The following LYSMD4 variants were observed in gnomAD, a reference collection of about 807,000 sequenced individuals.
The protein encoded by LYSMD4 is lysM and putative peptidoglycan-binding domain-containing protein 4.
Under a neutral mutation model 6.1 loss-of-function variants are expected in LYSMD4, and 9 were observed. The observed-to-expected ratio is 1.47, with a 90% CI of 0.88 to 2.56. The LOEUF is 2.56. LYSMD4 is among the 30% of genes most tolerant of loss of function. LYSMD4 has a pLI of 0.00. For missense variants in LYSMD4, 384 were observed against 373.5 expected, an observed-to-expected ratio of 1.03 and a Z score of -0.23; for synonymous variants, 143 against 148.5, an observed-to-expected ratio of 0.96 and a Z score of 0.27.
At chr15:99,717,013 T>C (rs1178911835) in exon 1 of LYSMD4, 1 of 217,668 alleles carries the variant, frequency 4.6e-6, no homozygotes, top group East Asian at 1.2e-4. Context: ...TACGTCCCAG[T>C]ATGCTGGCAG....
chr15:99,717,818 C>T (rs561320806), exon 1 of LYSMD4: 7 of 152,342 alleles, frequency 4.6e-5, no homozygotes, highest in Admixed American at 1.3e-4. Context: ...CCAAAGCAAA[C>T]GCAGCTGTGG....
chr15:99,730,121 C>T (rs1049339911), intron 2 of LYSMD4, among the ~76,000 whole-genome samples: 2 of 152,174 alleles, frequency 1.3e-5, no homozygotes, highest in African/African-American at 4.8e-5. Context: ...AATAGTGCCC[C>T]CATCTGCCTG....
At chr15:99,725,908 C>A (rs890409877), downstream of LYSMD4, among the ~76,000 whole-genome samples, 4 of 152,160 alleles carry the variant, frequency 2.6e-5, no homozygotes, top group Non-Finnish European at 5.9e-5. Context: ...TGGTCGTAAG[C>A]AGCTTGCTTT....
chr15:99,717,677 G>T (rs1354838635), exon 1 of LYSMD4: 3 of 152,188 alleles, frequency 2.0e-5, no homozygotes, highest in Non-Finnish European at 4.4e-5. Flanking sequence ...TAAAGCTTTG[G>T]TGCTCCTCAT....
chr15:99,732,958 G>A (rs1446166410), intron 1 of LYSMD4: 2 of 174,604 alleles, frequency 1.1e-5, no homozygotes, highest in South Asian at 2.0e-4. Context: ...GCCCGGGGAC[G>A]GGGCCAGCCT....
chr15:99,727,625 A>C lies in LYSMD4; in HGVS notation c.*1498T>G, dbSNP rs1328397902. 1.3e-5 allele frequency: 2 copies of C among 152,206 alleles called. No homozygotes were observed. Among genetic ancestry groups the C allele is most frequent in the Non-Finnish European group, 1.5e-5 (1 of 68,040 alleles). The allele number at this position is 152,206 out of a possible 1,614,324, so 9.4% of individuals were successfully genotyped here. A position where few individuals can be genotyped will look rare whatever the true frequency, so the allele number is the denominator to read the frequency against. On this transcript the variant is annotated 3_prime_UTR_variant, in exon 3 of 3. Coordinates refer to ENST00000684762, the MANE Select transcript of LYSMD4 (RefSeq NM_001284417.2). ...GAAACATTTCCTATTGCAGAGATTC[A>C]GAAGTTCTTTTTATCCTGAAGATCA...
downstream of LYSMD4, among the ~76,000 whole-genome samples, chr15:99,722,975 G>A (rs562986001): frequency 9.2e-5 from 14 of 152,186 alleles, no homozygotes; most frequent in Admixed American, 8.5e-4. Context: ...AGGTTGCAAT[G>A]AGCCAAGATC....
intron 2 of LYSMD4, 82 bp from the exon 3 acceptor site, chr15:99,729,813 C>A: frequency 2.7e-6 from 4 of 1,466,400 alleles, no homozygotes; most frequent in East Asian, 2.3e-5. Flanking sequence ...CTTAATCTTT[C>A]TGGGTGATGA....
At chr15:99,720,437 C>G (rs2059229292), upstream of LYSMD4, among the ~76,000 whole-genome samples, 1 of 152,132 alleles carries the variant, frequency 6.6e-6, no homozygotes, top group Admixed American at 6.5e-5. Flanking sequence ...CCGGGCAGCA[C>G]AGCAAGACCT....
In LYSMD4 at chr15:99,727,660, CTAATT is replaced by C. The variant is rs1328305810; in HGVS notation, c.*1458_*1462del. On this transcript the variant is annotated 3_prime_UTR_variant, in exon 3 of 3. Transcript: ENST00000684762. ...TTTATCCTGAAGATCATTCTGGTTT[CTAATT>C]TAAGATTGAAGATGATTTAATTTGC... 4 of 152,210 alleles carry C rather than the reference CTAATT, an allele frequency of 2.6e-5. No homozygotes were observed. Among genetic ancestry groups the C allele is most frequent in the South Asian group, 2.1e-4 (1 of 4,828 alleles). 9.4% of individuals were successfully genotyped at this position (152,210 alleles called of 1,614,324 possible).
In LYSMD4 at chr15:99,731,937, C is replaced by T. The variant is rs1390322518; in HGVS notation, c.63G>A (p.Pro21=). ...FQGPAVVCGT[P]TSHVYMFKNG... ...TCTTAAACATGTATACGTGGCTGGT[C>T]GGAGTCCCACACACAACAGCTGGGC... Residue 21 remains proline, a synonymous_variant, in exon 2 of 3, where the codon CCG becomes CCA. Coordinates refer to ENST00000684762, the MANE Select transcript of LYSMD4 (RefSeq NM_001284417.2). 1.9e-6 allele frequency: 3 copies of T among 1,611,852 alleles called. No individual in the cohort carries two copies. The highest frequency in any genetic ancestry group is 1.7e-4 in the Middle Eastern group (1 of 6,058).
Position 99,729,564 on chromosome 15 carries a change from T to C in LYSMD4, c.450A>G (p.Pro150=), listed in dbSNP as rs749369071. Residue 150 remains proline (P), a synonymous_variant, in exon 3 of 3, where the codon CCA becomes CCG. Transcript: ENST00000684762. ...TGCCCGCGCCTGCTCTGTCTGCCTC[T>C]GGCAGTTCCACGGTCACTGTGGTCT... The part of the protein sequence containing the change: ...SSETTVTVEL[P]EADRAGAGTG... 5 of 1,614,152 alleles carry C rather than the reference T, an allele frequency of 3.1e-6. 1 individual carries two copies. In the Admixed American group the frequency reaches 8.3e-5, roughly 27 times the overall value.
chr15:99,730,567 A>C (rs7402437), intron 2 of LYSMD4, among the ~76,000 whole-genome samples: 3 of 152,202 alleles, frequency 2.0e-5, no homozygotes, highest in Non-Finnish European at 4.4e-5. Flanking sequence ...ACAGATCTCA[A>C]TCAAATCAAT....
intron 2 of LYSMD4, chr15:99,731,067 A>AGC: frequency 2.0e-6 from 2 of 1,010,822 alleles, no homozygotes; most frequent in South Asian, 2.9e-5. Context: ...AGTAGCTTAT[A>AGC]TACCCCTAGA....
In LYSMD4 at chr15:99,729,360, C is replaced by T. The variant is rs745688203; in HGVS notation, c.654G>A (p.Trp218Ter). 9.9e-6 allele frequency: 16 copies of T among 1,614,248 alleles called. No individual in the cohort carries two copies. The highest frequency in any genetic ancestry group is 1.4e-5 in the Non-Finnish European group (16 of 1,180,042). ...PMDGADCGIQ[W>*]WNAVFIMLLI... ...GCAGCATGATGAAAACAGCATTCCA[C>T]CACTGAATGCCACAATCTGCACCAT... The change falls in exon 3 of 3, where the codon TGG (tryptophan) becomes TGA (stop). Residue 218 changes from tryptophan to a stop codon, truncating the protein, a stop_gained. Transcript: ENST00000684762. LOFTEE classifies it low-confidence loss of function (END_TRUNC).
At chr15:99,730,982 C>T (rs936687548) in intron 2 of LYSMD4, among the ~76,000 whole-genome samples, 3 of 152,146 alleles carry the variant, frequency 2.0e-5, no homozygotes, top group African/African-American at 7.2e-5. Flanking sequence ...GACCGCAACA[C>T]CCCACACAAC....
In LYSMD4 at chr15:99,729,249, A is replaced by G. The variant is rs1461369855; in HGVS notation, c.765T>C (p.Thr255=). ...TTGCCATCGAGCCATTGGGGATGACAGTTGTGTTCAAGCTATTAGGGGTCT... is the reference window on the plus strand; with the variant it reads ...TTGCCATCGAGCCATTGGGGATGACGGTTGTGTTCAAGCTATTAGGGGTCT... ...SGETPNSLNT[T]VIPNGSMAMG... Residue 255 remains threonine, a synonymous_variant, in exon 3 of 3, where the codon ACT becomes ACC. Transcript: ENST00000684762. 3.7e-6 allele frequency: 6 copies of G among 1,614,074 alleles called. No individual in the cohort carries two copies. The highest frequency in any genetic ancestry group is 1.1e-5 in the South Asian group (1 of 91,088).
chr15:99,732,089 A>G (rs1000644271), intron 1 of LYSMD4, 82 bp from the exon 2 acceptor site: 7 of 1,400,276 alleles, frequency 5.0e-6, no homozygotes, highest in Non-Finnish European at 6.7e-6. Flanking sequence ...GTGTCTTGTT[A>G]GAGAGTATTC....
chr15:99,731,308 C>A (rs751744434), intron 2 of LYSMD4: 2 of 1,600,564 alleles, frequency 1.2e-6, no homozygotes, highest in Non-Finnish European at 1.7e-6. Context: ...AAGTAAGCTA[C>A]CACCAAGAAA....
Sources: gnomAD v4.1 joint callset for allele counts (sites outside exome capture counted in the v4.1 genomes callset) on GRCh38, gnomAD v4.1.1 for gene constraint, MANE v1.5 for transcripts, NCBI Gene and HGNC (gene_info 2026-07-23, HGNC 2026-07-21) for gene names.